The following SLC8A1 variants were observed in gnomAD, a reference collection of about 807,000 sequenced individuals.
SLC8A1 encodes the protein solute carrier family 8 member A1, also known as sodium/calcium exchanger 1.
A neutral mutation model predicts 68.3 loss-of-function variants in SLC8A1; 18 were observed. The ratio of observed to expected loss-of-function variants is 0.26; its 90% CI spans 0.18 to 0.39. The LOEUF is 0.39. Among genes scored for constraint, SLC8A1 ranks in the 10% least tolerant of loss-of-function variants. SLC8A1 has a pLI of 1.00. For synonymous variants in SLC8A1, 475 were observed against 415.5 expected (o/e 1.14, Z -1.74); for missense variants, 985 against 1,156.7 (o/e 0.85, Z 2.15).
intron 7 of SLC8A1, among the ~76,000 whole-genome samples, chr2:40,119,078 A>C (rs2036199316): frequency 6.6e-6 from 1 of 152,166 alleles, no homozygotes; most frequent in African/African-American, 2.4e-5. Context: ...CTGGGTATGC[A>C]GTGATTTCCT....
intron 2 of SLC8A1, among the ~76,000 whole-genome samples, chr2:40,407,856 C>G (rs1240610865): frequency 6.6e-6 from 1 of 152,192 alleles, no homozygotes; most frequent in Non-Finnish European, 1.5e-5. Context: ...GGCCAACTCT[C>G]TTTACAAGGA....
Position 40,332,074 on chromosome 2 carries a change from C to T in SLC8A1, c.1808+96399G>A, listed in dbSNP as rs144107958. Among the ~76,000 whole-genome samples, 480 of 152,164 alleles carry T rather than the reference C, an allele frequency of 3.2e-3. 4 individuals are homozygous for T. The highest frequency in any genetic ancestry group is 4.0e-3 in the Non-Finnish European group (273 of 68,002). ...AAGTGATCCTCCCACCTCAGCCTCC[C>T]TAAGTGTTGGGACTATAGGCATCAG... On this transcript the variant is annotated intron_variant, in intron 2 of 7. Transcript: ENST00000406785.
chr2:40,484,832 T>C (rs150821208), intron 1 of SLC8A1, among the ~76,000 whole-genome samples: 77 of 152,290 alleles, frequency 5.1e-4, no homozygotes, highest in East Asian at 3.9e-3. Flanking sequence ...TTAGGTTCTA[T>C]ACATGAGGGT....
intron 2 of SLC8A1, among the ~76,000 whole-genome samples, chr2:40,416,595 C>T (rs1345129529): frequency 6.6e-6 from 1 of 152,002 alleles, no homozygotes; most frequent in African/African-American, 2.4e-5. Flanking sequence ...AGATTATTTA[C>T]TTCAATGCCT....
At chr2:40,383,763 G>C (rs553642620) in intron 2 of SLC8A1, among the ~76,000 whole-genome samples, 1 of 152,204 alleles carries the variant, frequency 6.6e-6, no homozygotes, top group East Asian at 1.9e-4. Context: ...CAAAGGTACA[G>C]ATCCACAGAA....
intron 1 of SLC8A1, among the ~76,000 whole-genome samples, chr2:40,487,340 T>C (rs1416180707): frequency 6.6e-6 from 1 of 152,132 alleles, no homozygotes; most frequent in Non-Finnish European, 1.5e-5. Flanking sequence ...TAATGTGCAT[T>C]TTTCCTAACA....
intron 2 of SLC8A1, among the ~76,000 whole-genome samples, chr2:40,358,136 A>C (rs1673348594): frequency 6.6e-6 from 1 of 151,904 alleles, no homozygotes. Context: ...AAGAAAGGTT[A>C]AGAAAAGCAT....
intron 2 of SLC8A1, among the ~76,000 whole-genome samples, chr2:40,303,566 A>T (rs1470144393): frequency 1.3e-5 from 2 of 152,300 alleles, no homozygotes; most frequent in East Asian, 3.9e-4. Context: ...ATCTGATTGC[A>T]TATGTTCCTG....
intron 2 of SLC8A1, among the ~76,000 whole-genome samples, chr2:40,421,414 TGGTGTGGCCTTGGTTTCAAG>T (rs1180106447): frequency 6.6e-6 from 1 of 152,082 alleles, no homozygotes; most frequent in Non-Finnish European, 1.5e-5. Context: ...CATGGAAAAA[TGGTGTGGCCTTGGTTTCAAG>T]GGTCACCACA....
intron 2 of SLC8A1, among the ~76,000 whole-genome samples, chr2:40,217,820 C>G (rs1346064877): frequency 2.0e-5 from 3 of 152,112 alleles, no homozygotes; most frequent in African/African-American, 7.2e-5. Flanking sequence ...ATTGATAAGT[C>G]AATCTAAATC....
chr2:40,442,468 G>T (rs1700695282), intron 1 of SLC8A1, among the ~76,000 whole-genome samples: 1 of 147,454 alleles, frequency 6.8e-6, no homozygotes, highest in Admixed American at 6.7e-5. Flanking sequence ...CTTATCAAAA[G>T]AAGTCATTTA....
exon 8 of SLC8A1, chr2:40,115,527 C>T: frequency 6.2e-7 from 1 of 1,614,190 alleles, no homozygotes; most frequent in Non-Finnish European, 8.5e-7. Context: ...CCAGGCCACA[C>T]CGATTCCCAG....
intron 7 of SLC8A1, among the ~76,000 whole-genome samples, chr2:40,130,266 T>C (rs942771619): frequency 1.3e-5 from 2 of 152,220 alleles, no homozygotes; most frequent in African/African-American, 4.8e-5. Context: ...TAACAGGCAG[T>C]TATGGTGCCA....
chr2:40,494,879 T>C (rs184379968), intron 1 of SLC8A1, among the ~76,000 whole-genome samples: 4 of 151,600 alleles, frequency 2.6e-5, no homozygotes, highest in Non-Finnish European at 5.9e-5. Context: ...TCATGTACCG[T>C]GTTTATATGC....
chr2:40,228,966 A>T (rs1363923742), intron 2 of SLC8A1, among the ~76,000 whole-genome samples: 1 of 152,200 alleles, frequency 6.6e-6, no homozygotes, highest in Non-Finnish European at 1.5e-5. Flanking sequence ...AGAAAGGAAA[A>T]GCAAGCATAA....
chr2:40,303,206 C>T (rs984683694), intron 2 of SLC8A1, among the ~76,000 whole-genome samples: 9 of 152,216 alleles, frequency 5.9e-5, no homozygotes, highest in African/African-American at 2.2e-4. Context: ...TTGAGCCATT[C>T]TAGGTTTTGA....
At chr2:40,129,961 G>A (rs1416603793) in intron 7 of SLC8A1, among the ~76,000 whole-genome samples, 1 of 152,184 alleles carries the variant, frequency 6.6e-6, no homozygotes, top group East Asian at 1.9e-4. Context: ...CAGGACACAT[G>A]CTGAGCATCC....
chr2:40,506,634 A>G (rs1706387716), intron 1 of SLC8A1, among the ~76,000 whole-genome samples: 1 of 151,946 alleles, frequency 6.6e-6, no homozygotes, highest in African/African-American at 2.4e-5. Flanking sequence ...GTAATCTATC[A>G]GGGTCTATAG....
chr2:40,389,720 G>C (rs1405647655), intron 2 of SLC8A1, among the ~76,000 whole-genome samples: 3 of 151,568 alleles, frequency 2.0e-5, no homozygotes, highest in Non-Finnish European at 4.4e-5. Context: ...CTCATACCTA[G>C]GTGTGGGGAA....
Sources: gnomAD v4.1 joint callset for allele counts (sites outside exome capture counted in the v4.1 genomes callset) on GRCh38, gnomAD v4.1.1 for gene constraint, MANE v1.5 for transcripts, NCBI Gene and HGNC (gene_info 2026-07-23, HGNC 2026-07-21) for gene names.